Variants in SERINC5 observed in about 807,000 individuals in gnomAD.
The protein encoded by SERINC5 is serine incorporator 5.
A neutral mutation model predicts 63.1 loss-of-function variants in SERINC5; 41 were observed. That is an observed-to-expected ratio of 0.65 (90% confidence interval 0.51 to 0.84). The LOEUF is 0.84. SERINC5 is among the 40% of genes least tolerant of loss of function. The pLI is 0.00. For synonymous variants in SERINC5, 222 were observed against 215.2 expected, an observed-to-expected ratio of 1.03 and a Z score of -0.28; for missense variants, 523 against 573.0, an observed-to-expected ratio of 0.91 and a Z score of 0.89.
chr5:80,130,007 C>T (rs1744878941), intron 11 of SERINC5, among the ~76,000 whole-genome samples: 1 of 152,166 alleles, frequency 6.6e-6, no homozygotes, highest in African/African-American at 2.4e-5. Context: ...AACAAAATTT[C>T]CTTAATTACT....
intron 1 of SERINC5, among the ~76,000 whole-genome samples, chr5:80,205,869 C>A (rs1750127564): frequency 6.6e-6 from 1 of 151,116 alleles, no homozygotes; most frequent in Non-Finnish European, 1.5e-5. Flanking sequence ...AGATCAAGAC[C>A]ATGACCATCC....
chr5:80,127,250 C>A (rs894270606), intron 11 of SERINC5, among the ~76,000 whole-genome samples: 1 of 152,188 alleles, frequency 6.6e-6, no homozygotes, highest in African/African-American at 2.4e-5. Context: ...TCCTTGACCT[C>A]AAGAGTGGCC....
chr5:80,234,996 T>C (rs1290615720), intron 1 of SERINC5, among the ~76,000 whole-genome samples: 2 of 152,240 alleles, frequency 1.3e-5, no homozygotes, highest in East Asian at 3.8e-4. Context: ...TCAGTAGTGT[T>C]AAGTATATTC....
chr5:80,215,723 T>C (rs895501999), intron 1 of SERINC5, among the ~76,000 whole-genome samples: 1 of 152,186 alleles, frequency 6.6e-6, no homozygotes, highest in Non-Finnish European at 1.5e-5. Flanking sequence ...TAGAGCGGTG[T>C]TATTTTCCAC....
At chr5:80,158,579 T>C (rs1160456572) in intron 8 of SERINC5, 3 of 422,556 alleles carry the variant, frequency 7.1e-6, no homozygotes, top group Non-Finnish European at 1.3e-5. Flanking sequence ...TTTGCTTTAT[T>C]TACCCCAAAT....
downstream of SERINC5, among the ~76,000 whole-genome samples, chr5:80,137,092 A>G (rs977132016): frequency 2.1e-5 from 3 of 144,728 alleles, no homozygotes; most frequent in African/African-American, 5.1e-5. Context: ...GTGAGCTGAC[A>G]TCGTGCCACT....
intron 8 of SERINC5, among the ~76,000 whole-genome samples, chr5:80,151,504 G>A (rs1468693193): frequency 1.3e-5 from 2 of 152,170 alleles, no homozygotes; most frequent in East Asian, 3.8e-4. Context: ...CCTTGCATGG[G>A]GCAAAATAAT....
rs140928068 is a variant in SERINC5, at chr5:80,114,525, A to G, written c.1239-900T>C. The G allele has an allele frequency of 6.3e-3, 1,282 of 203,180 alleles. 30 individuals are homozygous for G. Among genetic ancestry groups the G allele is most frequent in the African/African-American group, 0.029 (1,214 of 41,778 alleles). 12.6% of individuals were successfully genotyped at this position (203,180 alleles called of 1,614,324 possible). A position where few individuals can be genotyped will look rare whatever the true frequency, so the allele number is the denominator to read the frequency against. On this transcript the variant is annotated intron_variant, in intron 11 of 12. Transcript: ENST00000509193. Reference sequence around the variant, plus strand: ...AAAAATTAGCTCACCATGGTGGCACATGCCTGTAACCCCAGCTACTTGGGA... The same window carrying G: ...AAAAATTAGCTCACCATGGTGGCACGTGCCTGTAACCCCAGCTACTTGGGA...
At position 80,138,971 on chromosome 5, in the gene SERINC5, G is replaced by T; in HGVS notation, c.*4692C>A. 1 of 977,586 alleles carries T rather than the reference G, an allele frequency of 1.0e-6. No homozygotes were observed. Among genetic ancestry groups the T allele is most frequent in the Non-Finnish European group, 1.2e-6 (1 of 822,922 alleles). The allele number at this position is 977,586 out of a possible 1,614,324, so 60.6% of individuals were successfully genotyped here. On this transcript the variant is annotated 3_prime_UTR_variant, in exon 12 of 12. Coordinates refer to ENST00000507668, the MANE Select transcript of SERINC5 (RefSeq NM_001174072.3). ...ATATAGGAAAAGCCTAGTCAATTCAGATGCTTTCTAGAAAAATTAACATTA... is the reference window on the plus strand; with the variant it reads ...ATATAGGAAAAGCCTAGTCAATTCATATGCTTTCTAGAAAAATTAACATTA...
At chr5:80,228,468 T>C (rs1751273705) in intron 1 of SERINC5, among the ~76,000 whole-genome samples, 1 of 151,802 alleles carries the variant, frequency 6.6e-6, no homozygotes, top group Non-Finnish European at 1.5e-5. Flanking sequence ...AATTTTTTTT[T>C]TGTTTAAGAA....
intron 1 of SERINC5, among the ~76,000 whole-genome samples, chr5:80,230,591 C>T (rs1486533054): frequency 6.6e-6 from 1 of 152,150 alleles, no homozygotes; most frequent in Non-Finnish European, 1.5e-5. Context: ...ATTTATGCAG[C>T]ACTCCCTTAC....
chr5:80,144,503 C>A (rs553737065), intron 11 of SERINC5, among the ~76,000 whole-genome samples: 1 of 152,188 alleles, frequency 6.6e-6, no homozygotes, highest in Non-Finnish European at 1.5e-5. Flanking sequence ...ACTTCCTCGA[C>A]ATTTGTTATT....
chr5:80,155,739 AT>A (rs548377221), intron 8 of SERINC5, among the ~76,000 whole-genome samples: 7 of 151,224 alleles, frequency 4.6e-5, no homozygotes, highest in African/African-American at 1.7e-4. Context: ...GCCTTAAAAC[AT>A]TTTTTTTTAT....
intron 2 of SERINC5, among the ~76,000 whole-genome samples, chr5:80,194,741 G>A (rs1749400132): frequency 6.6e-6 from 1 of 152,152 alleles, no homozygotes; most frequent in African/African-American, 2.4e-5. Flanking sequence ...AGAAAGTCTA[G>A]AAAGCGGAGG....
At chr5:80,225,213 T>C (rs776633439) in intron 1 of SERINC5, among the ~76,000 whole-genome samples, 18 of 152,234 alleles carry the variant, frequency 1.2e-4, no homozygotes, top group Non-Finnish European at 1.8e-4. Flanking sequence ...ATGTGCAACA[T>C]ATACTTCACT....
intron 1 of SERINC5, among the ~76,000 whole-genome samples, chr5:80,209,376 A>C (rs1230932834): frequency 6.6e-6 from 1 of 152,160 alleles, no homozygotes; most frequent in African/African-American, 2.4e-5. Context: ...CAGCACAACA[A>C]CACGGTGGCC....
intron 5 of SERINC5, among the ~76,000 whole-genome samples, chr5:80,172,039 T>C (rs1006521458): frequency 1.3e-5 from 2 of 152,130 alleles, no homozygotes; most frequent in African/African-American, 4.8e-5. Context: ...AATATGTCAA[T>C]TAAAAAATAA....
chr5:80,182,865 T>G (rs1748542565), intron 2 of SERINC5, among the ~76,000 whole-genome samples: 1 of 152,094 alleles, frequency 6.6e-6, no homozygotes, highest in Admixed American at 6.6e-5. Flanking sequence ...CTTTTTAAAA[T>G]TGCTTTTTCT....
chr5:80,131,240 C>T (rs999866769), intron 11 of SERINC5, among the ~76,000 whole-genome samples: 13 of 152,072 alleles, frequency 8.5e-5, no homozygotes, highest in African/African-American at 2.4e-4. Context: ...ATAAGTCTCA[C>T]GAGATCTGAT....
Sources: allele counts gnomAD v4.1 joint callset (sites outside exome capture counted in the v4.1 genomes callset), GRCh38; gene constraint gnomAD v4.1.1; transcripts MANE v1.5; gene names NCBI Gene and HGNC (gene_info 2026-07-23, HGNC 2026-07-21).